MB21D2: variants seen among roughly 807,000 people sequenced by gnomAD.
The protein encoded by MB21D2 is nucleotidyltransferase MB21D2.
MB21D2 carries 9 observed loss-of-function variants against 33.3 expected under a neutral mutation model. The observed-to-expected ratio is 0.27, with a 90% CI of 0.16 to 0.47. MB21D2 has a LOEUF of 0.47. Among genes scored for constraint, MB21D2 ranks in the 20% least tolerant of loss-of-function variants. The pLI, the probability that MB21D2 is intolerant of heterozygous loss-of-function variation, is 0.99. For synonymous variants in MB21D2, 241 were observed against 236.3 expected (o/e 1.02, Z -0.18); for missense variants, 540 against 624.6 (o/e 0.86, Z 1.44).
chr3:192,916,201 A>G (rs973270491), intron 1 of MB21D2, among the ~76,000 whole-genome samples: 3 of 151,850 alleles, frequency 2.0e-5, no homozygotes, highest in African/African-American at 7.3e-5. Flanking sequence ...CGTAAGACAC[A>G]CTTGAAGAGT....
intron 1 of MB21D2, among the ~76,000 whole-genome samples, chr3:192,901,627 A>T (rs751040965): frequency 6.6e-6 from 1 of 152,174 alleles, no homozygotes; most frequent in Non-Finnish European, 1.5e-5. Flanking sequence ...TGCCCTCGGA[A>T]AGCAGGAAAG....
intron 1 of MB21D2, among the ~76,000 whole-genome samples, chr3:192,875,444 A>G (rs932794647): frequency 6.6e-6 from 1 of 152,210 alleles, no homozygotes. Context: ...AAAGGATGAA[A>G]AGAACATAAA....
chr3:192,894,748 TC>T (rs1713928543), intron 1 of MB21D2, among the ~76,000 whole-genome samples: 1 of 152,134 alleles, frequency 6.6e-6, no homozygotes. Context: ...TTTTGCTGCT[TC>T]CCACCCCATT....
intron 1 of MB21D2, among the ~76,000 whole-genome samples, chr3:192,873,170 T>G (rs555069025): frequency 6.6e-6 from 1 of 152,174 alleles, no homozygotes; most frequent in South Asian, 2.1e-4. Flanking sequence ...TCCCTCCAAT[T>G]TGACAAGGGC....
At chr3:192,886,237 C>T (rs1318513671) in intron 1 of MB21D2, among the ~76,000 whole-genome samples, 1 of 152,094 alleles carries the variant, frequency 6.6e-6, no homozygotes, top group Non-Finnish European at 1.5e-5. Flanking sequence ...GGATTACAGG[C>T]GTGAGTCACC....
chr3:192,897,380 C>G (rs1433223705), intron 1 of MB21D2, among the ~76,000 whole-genome samples: 1 of 152,074 alleles, frequency 6.6e-6, no homozygotes, highest in African/African-American at 2.4e-5. Flanking sequence ...GACAGGAGGC[C>G]CCACTAACCA....
chr3:192,869,032 G>T (rs1713229808), intron 1 of MB21D2, among the ~76,000 whole-genome samples: 1 of 152,102 alleles, frequency 6.6e-6, no homozygotes, highest in African/African-American at 2.4e-5. Flanking sequence ...GAAGAGGGTG[G>T]ATCACTTGAG....
intron 1 of MB21D2, among the ~76,000 whole-genome samples, chr3:192,886,165 G>A (rs909892476): frequency 2.0e-5 from 3 of 151,986 alleles, no homozygotes; most frequent in Admixed American, 6.5e-5. Flanking sequence ...TCACCATCTC[G>A]GTCAGGCTGG....
chr3:192,879,725 T>C (rs1340871873), intron 1 of MB21D2, among the ~76,000 whole-genome samples: 3 of 152,196 alleles, frequency 2.0e-5, no homozygotes, highest in Non-Finnish European at 4.4e-5. Context: ...GAGAAATTTC[T>C]CCCAAAGCAG....
chr3:192,882,453 A>C (rs1037964680), intron 1 of MB21D2, among the ~76,000 whole-genome samples: 1 of 152,120 alleles, frequency 6.6e-6, no homozygotes, highest in African/African-American at 2.4e-5. Context: ...ATAAGACAAA[A>C]CACTATGCAA....
intron 1 of MB21D2, among the ~76,000 whole-genome samples, chr3:192,810,604 T>C (rs565494063): frequency 6.6e-6 from 1 of 152,314 alleles, no homozygotes; most frequent in East Asian, 1.9e-4. Context: ...ATAGTAGATA[T>C]AATAGTAAAA....
At chr3:192,814,097 TA>T (rs1711854760) in intron 1 of MB21D2, among the ~76,000 whole-genome samples, 1 of 152,198 alleles carries the variant, frequency 6.6e-6, no homozygotes, top group South Asian at 2.1e-4. Context: ...TTCCTCAATC[TA>T]GTTTTCAAAT....
chr3:192,887,143 A>G (rs1381673538), intron 1 of MB21D2, among the ~76,000 whole-genome samples: 1 of 152,116 alleles, frequency 6.6e-6, no homozygotes, highest in Non-Finnish European at 1.5e-5. Flanking sequence ...ATTTGACGAT[A>G]TCAATGAACT....
At chr3:192,846,527 C>G (rs542373491) in intron 1 of MB21D2, among the ~76,000 whole-genome samples, 171 of 152,284 alleles carry the variant, frequency 1.1e-3, no homozygotes, top group Admixed American at 2.5e-3. Context: ...CAAATCCACC[C>G]CACAGGGTCA....
chr3:192,824,318 A>C (rs1712121198), intron 1 of MB21D2, among the ~76,000 whole-genome samples: 1 of 152,138 alleles, frequency 6.6e-6, no homozygotes, highest in Non-Finnish European at 1.5e-5. Context: ...CATGTATTTT[A>C]AATTTTTTTT....
chr3:192,864,384 C>T (rs1161964904), intron 1 of MB21D2, among the ~76,000 whole-genome samples: 4 of 152,192 alleles, frequency 2.6e-5, no homozygotes, highest in African/African-American at 7.2e-5. Flanking sequence ...ATCATCATTA[C>T]TGTTATTGCA....
intron 1 of MB21D2, among the ~76,000 whole-genome samples, chr3:192,848,762 T>C (rs1427792554): frequency 6.6e-6 from 1 of 152,196 alleles, no homozygotes; most frequent in African/African-American, 2.4e-5. Flanking sequence ...AGTACTAATT[T>C]CTAAATCTTC....
At chr3:192,900,064 C>A (rs1714059909) in intron 1 of MB21D2, among the ~76,000 whole-genome samples, 1 of 151,860 alleles carries the variant, frequency 6.6e-6, no homozygotes, top group Non-Finnish European at 1.5e-5. Context: ...GCGGGCGGAT[C>A]ACGAGGTCAG....
chr3:192,834,421 CAA>C (rs35712980), intron 1 of MB21D2, among the ~76,000 whole-genome samples: 77,344 of 126,786 alleles, frequency 0.61, 23,315 homozygotes, highest in African/African-American at 0.8. Context: ...CCAGTTATAT[CAA>C]AAAAAAAAAA....
Sources: allele counts gnomAD v4.1 joint callset (sites outside exome capture counted in the v4.1 genomes callset), GRCh38; gene constraint gnomAD v4.1.1; transcripts MANE v1.5; gene names NCBI Gene and HGNC (gene_info 2026-07-23, HGNC 2026-07-21).